The following BTBD16 variants were observed in gnomAD, a reference collection of about 807,000 sequenced individuals.
BTBD16 encodes the protein BTB/POZ domain-containing protein 16.
A neutral mutation model predicts 67.4 loss-of-function variants in BTBD16; 66 were observed. The observed-to-expected ratio is 0.98, with a 90% CI of 0.80 to 1.20. The LOEUF (loss-of-function observed/expected upper bound fraction) is 1.20. Ranked by LOEUF, BTBD16 falls within the 50% of genes most tolerant of loss-of-function variation. The pLI is 0.00. For missense variants in BTBD16, 634 were observed against 616.0 expected, an observed-to-expected ratio of 1.03 and a Z score of -0.31; for synonymous variants, 242 against 236.4, an observed-to-expected ratio of 1.02 and a Z score of -0.22.
chr10:122,309,485 C>T (rs1391295539), intron 10 of BTBD16, among the ~76,000 whole-genome samples: 1 of 152,018 alleles, frequency 6.6e-6, no homozygotes, highest in African/African-American at 2.4e-5. Context: ...GCTGGGACTA[C>T]AGGCAAGCGC....
At chr10:122,281,932 A>G (rs6585810) in intron 3 of BTBD16, among the ~76,000 whole-genome samples, 98,181 of 152,150 alleles carry the variant, frequency 0.65, 33,171 homozygotes, top group East Asian at 0.89. Context: ...CCCCGCACCA[A>G]GCATTGCAAT....
intron 10 of BTBD16, among the ~76,000 whole-genome samples, chr10:122,325,430 G>A (rs1482569212): frequency 6.6e-6 from 1 of 152,116 alleles, no homozygotes; most frequent in Non-Finnish European, 1.5e-5. Context: ...TTCACTGCCT[G>A]TAGACTTTGG....
chr10:122,338,058 T>A lies in BTBD16; in HGVS notation c.1494T>A (p.Ser498Arg). 6.2e-7 allele frequency: 1 copy of A among 1,611,152 alleles called. No homozygotes were observed. Among genetic ancestry groups the A allele is most frequent in the Non-Finnish European group, 8.5e-7 (1 of 1,177,340 alleles). The part of the protein sequence containing the change: ...IQTVGIPIYV[S>R]FAFIFPAS ...CTGTGGGCATCCCAATCTATGTAAG[T>A]TTTGCATTCATCTTCCCAGCATCTT... Residue 498 changes from serine to arginine, a missense_variant, in exon 16 of 16, where the codon AGT becomes AGA. Physicochemically the swap from Ser to Arg is moderately radical, Grantham distance 110. Coordinates refer to ENST00000260723, the MANE Select transcript of BTBD16 (RefSeq NM_144587.5).
Position 122,291,177 on chromosome 10 carries a change from C to A in BTBD16, c.573C>A (p.Phe191Leu), listed in dbSNP as rs777751157. The change falls in exon 7 of 16, where the codon TTC becomes TTA. Residue 191 changes from phenylalanine (F) to leucine (L), a missense_variant. Phe to Leu is a conservative substitution (Grantham distance 22). Transcript: ENST00000260723. The stretch of plus-strand genomic sequence containing the variant: ...TGGCTTCCGCCCACATCCTCCAGTT[C>A]AGTGGCCTGTTTCAAAGGTAAGGAA... ...GVLASAHILQ[F>L]SGLFQRCVDV... 2 of 1,613,012 alleles carry A rather than the reference C, an allele frequency of 1.2e-6. No homozygotes were observed.
intron 10 of BTBD16, among the ~76,000 whole-genome samples, chr10:122,309,810 T>G (rs1183896251): frequency 6.6e-6 from 1 of 151,002 alleles, no homozygotes; most frequent in Non-Finnish European, 1.5e-5. Flanking sequence ...TCTCACTTGT[T>G]GCCCAGGCTG....
In BTBD16 at chr10:122,274,805, T is replaced by C. The variant is rs541496016; in HGVS notation, c.-42-235T>C. Among the ~76,000 whole-genome samples, 26 of 152,242 alleles carry C rather than the reference T, an allele frequency of 1.7e-4. No homozygotes were observed. The South Asian group carries it at 5.4e-3, about 32-fold the overall frequency. On this transcript the variant is annotated intron_variant, in intron 1 of 15. Coordinates refer to ENST00000260723, the MANE Select transcript of BTBD16 (RefSeq NM_144587.5). ...TTCTGTTTTGCTTTATCTGAGCCAC[T>C]TTCCCAGAACAATAGCAGAGATCTC... is the stretch of plus-strand genomic sequence containing the variant.
intron 7 of BTBD16, among the ~76,000 whole-genome samples, chr10:122,296,744 G>A (rs901016629): frequency 3.9e-5 from 6 of 152,180 alleles, no homozygotes; most frequent in Non-Finnish European, 7.3e-5. Context: ...GCAAATCAAA[G>A]CTAAGGGATT....
intron 5 of BTBD16, among the ~76,000 whole-genome samples, chr10:122,288,831 C>T (rs539680537): frequency 3.9e-5 from 6 of 152,104 alleles, no homozygotes; most frequent in African/African-American, 7.2e-5. Context: ...CACACCATCC[C>T]GAGGAGCATG....
intron 3 of BTBD16, among the ~76,000 whole-genome samples, chr10:122,280,537 G>A (rs2096350664): frequency 6.6e-6 from 1 of 151,318 alleles, no homozygotes; most frequent in South Asian, 2.1e-4. Context: ...GGTAAGAATG[G>A]GAAGAAGGGA....
chr10:122,318,811 C>T (rs897174931), intron 10 of BTBD16, among the ~76,000 whole-genome samples: 1 of 152,218 alleles, frequency 6.6e-6, no homozygotes, highest in Non-Finnish European at 1.5e-5. Flanking sequence ...GTCTCAAACT[C>T]CTGACCTCAG....
intron 11 of BTBD16, 32 bp from the exon 12 acceptor site, chr10:122,331,144 C>T (rs558490113): frequency 6.2e-7 from 1 of 1,602,496 alleles, no homozygotes; most frequent in African/African-American, 1.3e-5. Flanking sequence ...GTGAATAAAA[C>T]TAAAAAACAT....
intron 10 of BTBD16, among the ~76,000 whole-genome samples, chr10:122,311,497 A>G (rs1163949264): frequency 1.3e-5 from 2 of 152,258 alleles, no homozygotes; most frequent in Non-Finnish European, 2.9e-5. Context: ...AGGAAAAACA[A>G]AAAATGTAAG....
Position 122,329,560 on chromosome 10 carries a change from G to A in BTBD16, c.992G>A (p.Gly331Asp), listed in dbSNP as rs986178. ...CTCTTCCTCTGCTTGCGTCTGCACGGCATCACCAAAGGTAAGCCCCAGTCC... is the reference window on the plus strand; with the variant it reads ...CTCTTCCTCTGCTTGCGTCTGCACGACATCACCAAAGGTAAGCCCCAGTCC... ...RPLFLCLRLH[G>D]ITKGKDLEVL... The change falls in exon 11 of 16, where the codon GGC (glycine) becomes GAC (aspartate). Residue 331 changes from glycine to aspartate, a missense_variant. Physicochemically the swap from Gly to Asp is moderately conservative, Grantham distance 94. Coordinates refer to ENST00000260723, the MANE Select transcript of BTBD16 (RefSeq NM_144587.5). The A allele has an allele frequency of 0.12, 193,306 of 1,612,586 alleles. 12,412 individuals are homozygous for A. Among genetic ancestry groups the A allele is most frequent in the Middle Eastern group, 0.16 (948 of 6,028 alleles).
chr10:122,331,750 G>A (rs1018697325), intron 12 of BTBD16, among the ~76,000 whole-genome samples: 2 of 152,158 alleles, frequency 1.3e-5, no homozygotes, highest in East Asian at 1.9e-4. Flanking sequence ...TCAATCTCGC[G>A]TTTTTAGAGA....
At position 122,330,946 on chromosome 10, in the gene BTBD16, C is replaced by T. The variant is rs575797935; in HGVS notation, c.1004-230C>T. On this transcript the variant is annotated intron_variant, in intron 11 of 15. Transcript: ENST00000260723. ...TGTTGGCCAGGCTGGTATTTCTGTACGTTTTTAAAAGAGAATCGATTTGGA... is the reference window on the plus strand; with the variant it reads ...TGTTGGCCAGGCTGGTATTTCTGTATGTTTTTAAAAGAGAATCGATTTGGA... Among the ~76,000 whole-genome samples the T allele has an allele frequency of 9.9e-4, 151 of 152,234 alleles. 4 individuals are homozygous for T. In the South Asian group the frequency reaches 0.031, roughly 31 times the overall value.
At chr10:122,274,811 A>G (rs1330299665) in intron 1 of BTBD16, among the ~76,000 whole-genome samples, 1 of 152,102 alleles carries the variant, frequency 6.6e-6, no homozygotes, top group Non-Finnish European at 1.5e-5. Context: ...CCACTTTCCC[A>G]GAACAATAGC....
At chr10:122,313,631 A>G (rs1372307534) in intron 10 of BTBD16, among the ~76,000 whole-genome samples, 1 of 152,168 alleles carries the variant, frequency 6.6e-6, no homozygotes, top group Non-Finnish European at 1.5e-5. Flanking sequence ...ATTTTCTTCT[A>G]GAAGCTCTAT....
chr10:122,318,277 A>G (rs1274180103), intron 10 of BTBD16, among the ~76,000 whole-genome samples: 3 of 152,186 alleles, frequency 2.0e-5, no homozygotes, highest in African/African-American at 7.2e-5. Context: ...TTCATGCATC[A>G]TAATTATTCA....
At chr10:122,309,686 C>T (rs1037788477) in intron 10 of BTBD16, among the ~76,000 whole-genome samples, 4 of 151,912 alleles carry the variant, frequency 2.6e-5, no homozygotes, top group African/African-American at 4.8e-5. Context: ...GTTGCCCAGG[C>T]TGATCTCAAA....
Sources: gnomAD v4.1 joint callset for allele counts (sites outside exome capture counted in the v4.1 genomes callset) on GRCh38, gnomAD v4.1.1 for gene constraint, MANE v1.5 for transcripts, NCBI Gene and HGNC (gene_info 2026-07-23, HGNC 2026-07-21) for gene names.